Variants in ESRP1 observed in about 807,000 individuals in gnomAD.
ESRP1 encodes RNA-binding motif protein 35A.
A neutral mutation model predicts 81.7 loss-of-function variants in ESRP1; 33 were observed. The ratio of observed to expected loss-of-function variants is 0.40; its 90% CI spans 0.31 to 0.54. ESRP1 has a LOEUF of 0.54. Among genes scored for constraint, ESRP1 ranks in the 20% least tolerant of loss-of-function variants. The probability of loss-of-function intolerance (pLI) is 0.41; values close to 1 mark genes in which losing one functional copy is unlikely to be tolerated. For missense variants in ESRP1, 672 were observed against 833.1 expected (o/e 0.81, Z 2.38); for synonymous variants, 320 against 303.3 (o/e 1.06, Z -0.57).
intron 13 of ESRP1, among the ~76,000 whole-genome samples, chr8:94,689,371 T>C (rs1211249394): frequency 6.6e-6 from 1 of 152,144 alleles, no homozygotes. Context: ...TCTTGCACTT[T>C]TAAATGTTTC....
intron 3 of ESRP1, 79 bp downstream of exon 3, chr8:94,643,495 C>T (rs1817712655): frequency 4.8e-6 from 4 of 832,448 alleles, no homozygotes; most frequent in Non-Finnish European, 7.9e-6. Flanking sequence ...TTGGTTTATT[C>T]AAGTTTCTCT....
At chr8:94,671,110 G>C (rs1309857377) in intron 10 of ESRP1, among the ~76,000 whole-genome samples, 1 of 152,180 alleles carries the variant, frequency 6.6e-6, no homozygotes, top group Non-Finnish European at 1.5e-5. Context: ...GGCAGCTTTA[G>C]GGATAATATC....
intron 2 of ESRP1, among the ~76,000 whole-genome samples, chr8:94,642,608 G>A (rs1817669184): frequency 6.6e-6 from 1 of 152,196 alleles, no homozygotes; most frequent in African/African-American, 2.4e-5. Context: ...TATTTCTTTA[G>A]TGGCCTTGGT....
chr8:94,705,921 T>TC lies in ESRP1; in HGVS notation c.*36-3dup. 4.2e-6 allele frequency: 6 copies of TC among 1,427,178 alleles called. No individual in the cohort carries two copies. The highest frequency in any genetic ancestry group is 5.5e-6 in the Non-Finnish European group (6 of 1,088,826). 88.4% of individuals were successfully genotyped at this position (1,427,178 alleles called of 1,614,324 possible). A position where few individuals can be genotyped will look rare whatever the true frequency, so the allele number is the denominator to read the frequency against. On this transcript the variant is annotated splice_region_variant and splice_polypyrimidine_tract_variant and intron_variant, in intron 15 of 15. Coordinates refer to ENST00000433389, the MANE Select transcript of ESRP1 (RefSeq NM_017697.4). ...TTATTCACTTTTTTTTTTTTTTTTT[T>TC]CAGTGTTTGAAAGATGTATGGTGAT... is the stretch of plus-strand genomic sequence containing the variant.
chr8:94,683,950 C>T (rs952669074), intron 13 of ESRP1, among the ~76,000 whole-genome samples: 2 of 152,112 alleles, frequency 1.3e-5, no homozygotes, highest in Non-Finnish European at 2.9e-5. Context: ...CAGGTTCAAG[C>T]GATTCTCCTG....
chr8:94,648,659 G>T (rs1817959783), intron 4 of ESRP1, among the ~76,000 whole-genome samples: 1 of 152,228 alleles, frequency 6.6e-6, no homozygotes, highest in Non-Finnish European at 1.5e-5. Context: ...AAGGTCATTT[G>T]CTCTTGAGGA....
At chr8:94,673,024 G>C (rs1819410026) in intron 11 of ESRP1, among the ~76,000 whole-genome samples, 1 of 152,140 alleles carries the variant, frequency 6.6e-6, no homozygotes, top group Non-Finnish European at 1.5e-5. Flanking sequence ...CTGTACCATT[G>C]GATACAAGGA....
chr8:94,705,047 G>A (rs1482470514), intron 15 of ESRP1, among the ~76,000 whole-genome samples: 4 of 150,304 alleles, frequency 2.7e-5, no homozygotes, highest in African/African-American at 9.7e-5. Flanking sequence ...CTAAAAGGTT[G>A]TATGTGGGGA....
At chr8:94,659,625 G>A (rs1263437068) in intron 4 of ESRP1, among the ~76,000 whole-genome samples, 1 of 152,212 alleles carries the variant, frequency 6.6e-6, no homozygotes, top group South Asian at 2.1e-4. Flanking sequence ...CATGTCAAAA[G>A]CTAAGGGAGG....
chr8:94,702,798 T>C (rs1009105869), intron 15 of ESRP1, among the ~76,000 whole-genome samples: 1 of 152,152 alleles, frequency 6.6e-6, no homozygotes, highest in Admixed American at 6.5e-5. Flanking sequence ...GTGAGCCTTT[T>C]ACCTTAGCCT....
At chr8:94,641,856 A>G (rs1817614323) in intron 1 of ESRP1, 100 bp from the exon 2 acceptor site, 5 of 1,537,004 alleles carry the variant, frequency 3.3e-6, no homozygotes, top group Non-Finnish European at 4.4e-6. Flanking sequence ...CCGGACCCCA[A>G]GAGAGGCGCG....
chr8:94,692,547 A>G (rs1308842525), intron 13 of ESRP1, 130 bp from the exon 14 acceptor site: 3 of 965,294 alleles, frequency 3.1e-6, no homozygotes, highest in Non-Finnish European at 3.0e-6. Context: ...CTGTCTTAGG[A>G]AAGACAGCTC....
rs752739958 is a variant in ESRP1 at position 94,674,387 on chromosome 8, A to G, written c.1532A>G (p.Lys511Arg). The change falls in exon 12 of 16, where the codon AAA becomes AGA. Residue 511 changes from lysine (K) to arginine (R), a missense_variant. Physicochemically the swap from Lys to Arg is conservative, Grantham distance 26 (BLOSUM62 2). Transcript: ENST00000433389. ...AFMAAQKCHK[K>R]NMKDRYVEVF... ...ATGGCTGCACAGAAGTGTCATAAAAAAAACATGAAGGACAGATATGTTGAA... is the reference window on the plus strand; with the variant it reads ...ATGGCTGCACAGAAGTGTCATAAAAGAAACATGAAGGACAGATATGTTGAA... 2.4e-5 allele frequency: 39 copies of G among 1,613,932 alleles called. No homozygotes were observed. Among genetic ancestry groups the G allele is most frequent in the Non-Finnish European group, 3.0e-5 (35 of 1,179,906 alleles).
At chr8:94,653,528 C>T (rs554831449) in intron 4 of ESRP1, among the ~76,000 whole-genome samples, 30 of 152,254 alleles carry the variant, frequency 2.0e-4, no homozygotes, top group Admixed American at 8.5e-4. Flanking sequence ...ACAGGAAAAA[C>T]GGCTGGCAAG....
chr8:94,658,077 A>G (rs1818526645), intron 4 of ESRP1, among the ~76,000 whole-genome samples: 1 of 152,078 alleles, frequency 6.6e-6, no homozygotes, highest in Admixed American at 6.6e-5. Context: ...ACATCCGGCT[A>G]ATTTTTGTAT....
chr8:94,642,650 C>T (rs1461960917), intron 2 of ESRP1, among the ~76,000 whole-genome samples: 2 of 152,198 alleles, frequency 1.3e-5, no homozygotes, highest in South Asian at 2.1e-4. Flanking sequence ...CAGGTCCGAA[C>T]GTGCAAGGCT....
chr8:94,669,338 T>C (rs1819188976), intron 10 of ESRP1, among the ~76,000 whole-genome samples: 1 of 152,220 alleles, frequency 6.6e-6, no homozygotes, highest in African/African-American at 2.4e-5. Flanking sequence ...TTTGTAAGTA[T>C]TTAGGATACT....
intron 15 of ESRP1, among the ~76,000 whole-genome samples, chr8:94,698,131 C>T (rs961205945): frequency 6.6e-6 from 1 of 152,158 alleles, no homozygotes; most frequent in Non-Finnish European, 1.5e-5. Context: ...CAAAACTTAA[C>T]AATTTTAAAG....
intron 15 of ESRP1, among the ~76,000 whole-genome samples, chr8:94,698,822 G>A (rs1586264373): frequency 6.6e-6 from 1 of 152,194 alleles, no homozygotes; most frequent in Non-Finnish European, 1.5e-5. Flanking sequence ...ATAAGAATTT[G>A]CATCTTAGCC....
Sources: gnomAD v4.1 joint callset for allele counts (sites outside exome capture counted in the v4.1 genomes callset) on GRCh38, gnomAD v4.1.1 for gene constraint, MANE v1.5 for transcripts, NCBI Gene and HGNC (gene_info 2026-07-23, HGNC 2026-07-21) for gene names.